Variants in DCBLD2 observed in about 807,000 individuals in gnomAD.
The protein encoded by DCBLD2 is discoidin, CUB and LCCL domain containing 2.
In DCBLD2, 54 loss-of-function variants were observed where a neutral mutation model predicts 86.8. That is an observed-to-expected ratio of 0.62 (90% CI 0.50 to 0.78). The LOEUF is 0.78. Ranked by LOEUF, DCBLD2 falls within the 30% of genes least tolerant of loss-of-function variation. DCBLD2 has a pLI of 0.00. For missense variants in DCBLD2, 908 were observed against 954.2 expected (o/e 0.95, Z 0.64); for synonymous variants, 354 against 341.3 (o/e 1.04, Z -0.41).
chr3:98,895,106 AATT>A (rs1028786387), intron 1 of DCBLD2: 1 of 152,162 alleles, frequency 6.6e-6, no homozygotes, highest in Non-Finnish European at 1.5e-5. Flanking sequence ...AATGGCATGA[AATT>A]ATATCTTAGA....
chr3:98,867,090 T>A lies in DCBLD2; in HGVS notation c.433+14450A>T, dbSNP rs1456349157. Among the ~76,000 whole-genome samples the A allele has an allele frequency of 3.9e-5, 6 of 152,380 alleles. No individual in the cohort carries two copies. The South Asian group carries it at 1.2e-3, about 32-fold the overall frequency. ...TATCTCTGTTTTGGTCCCAGTACCA[T>A]GCTGTTTTGGTTACTGTAGCCTTGT... On this transcript the variant is annotated intron_variant, in intron 2 of 15. Coordinates refer to ENST00000326840, the MANE Select transcript of DCBLD2 (RefSeq NM_080927.4).
chr3:98,894,321 A>G (rs1943714377), intron 1 of DCBLD2, among the ~76,000 whole-genome samples: 1 of 152,190 alleles, frequency 6.6e-6, no homozygotes, highest in Admixed American at 6.5e-5. Context: ...CTCCCCAGCA[A>G]CATCCACTGG....
chr3:98,899,101 T>C (rs1943801264), intron 1 of DCBLD2, among the ~76,000 whole-genome samples: 1 of 151,946 alleles, frequency 6.6e-6, no homozygotes, highest in South Asian at 2.1e-4. Flanking sequence ...AAAAAGTCTT[T>C]TAATTATCAG....
At chr3:98,891,746 C>T (rs1009959927) in intron 1 of DCBLD2, among the ~76,000 whole-genome samples, 1 of 152,150 alleles carries the variant, frequency 6.6e-6, no homozygotes, top group African/African-American at 2.4e-5. Context: ...TCCACGCTCT[C>T]ACCTCTGTGC....
In DCBLD2 at chr3:98,820,151, G is replaced by T. The variant is rs548325019; in HGVS notation, c.871+97C>A. On this transcript the variant is annotated intron_variant, in intron 7 of 15. Transcript: ENST00000326840. Reference sequence around the variant, plus strand: ...CTCATAGTGTTATTAAGACAACTACGTGAGAAAGTACAATAAATCAGCAAC... The same window carrying T: ...CTCATAGTGTTATTAAGACAACTACTTGAGAAAGTACAATAAATCAGCAAC... 4.7e-5 allele frequency: 33 copies of T among 697,324 alleles called. No homozygotes were observed. The Middle Eastern group carries it at 1.4e-3, about 29-fold the overall frequency. The allele number at this position is 697,324 out of a possible 1,614,324, so 43.2% of individuals were successfully genotyped here.
chr3:98,869,489 A>C (rs1943219682), intron 2 of DCBLD2, among the ~76,000 whole-genome samples: 1 of 152,124 alleles, frequency 6.6e-6, no homozygotes, highest in East Asian at 1.9e-4. Context: ...TCTGTCTCTT[A>C]CTAATAAATT....
At chr3:98,880,754 T>C (rs2107521649) in intron 2 of DCBLD2, among the ~76,000 whole-genome samples, 1 of 152,254 alleles carries the variant, frequency 6.6e-6, no homozygotes, top group Non-Finnish European at 1.5e-5. Flanking sequence ...CTGTATTTTT[T>C]ACAAGAGAAA....
intron 1 of DCBLD2, among the ~76,000 whole-genome samples, chr3:98,893,840 C>G (rs903952824): frequency 9.2e-5 from 14 of 152,144 alleles, no homozygotes; most frequent in Admixed American, 7.9e-4. Context: ...TCATACTGTG[C>G]AAGGATTAGG....
chr3:98,901,565 G>C lies in DCBLD2; in HGVS notation c.-239C>G, dbSNP rs1292133089. 1.4e-5 allele frequency: 5 copies of C among 349,646 alleles called. No homozygotes were observed. Among genetic ancestry groups the C allele is most frequent in the Non-Finnish European group, 2.5e-5 (5 of 198,918 alleles). The allele number at this position is 349,646 out of a possible 1,614,324, so 21.7% of individuals were successfully genotyped here. Reference sequence around the variant, plus strand: ...CGGAGCGCAGGGGAGGGGAGGGAAGGAAGCGGAGTCCTCGAGCCGCGGAGG... The same window carrying C: ...CGGAGCGCAGGGGAGGGGAGGGAAGCAAGCGGAGTCCTCGAGCCGCGGAGG... On this transcript the variant is annotated 5_prime_UTR_variant, in exon 1 of 16. Coordinates refer to ENST00000326840, the MANE Select transcript of DCBLD2 (RefSeq NM_080927.4).
intron 7 of DCBLD2, among the ~76,000 whole-genome samples, chr3:98,820,001 ACTT>A (rs1426076031): frequency 3.3e-5 from 5 of 152,202 alleles, no homozygotes; most frequent in African/African-American, 9.6e-5. Context: ...CGAATTGATT[ACTT>A]CTTCAGACAA....
intron 13 of DCBLD2, among the ~76,000 whole-genome samples, chr3:98,806,747 C>A (rs1483546310): frequency 6.6e-6 from 1 of 152,192 alleles, no homozygotes; most frequent in African/African-American, 2.4e-5. Flanking sequence ...CCAAACCTGT[C>A]CTTCCTGCTG....
chr3:98,826,299 G>C (rs554521905), intron 3 of DCBLD2, among the ~76,000 whole-genome samples: 1 of 152,194 alleles, frequency 6.6e-6, no homozygotes, highest in African/African-American at 2.4e-5. Flanking sequence ...AGTCTTGTGT[G>C]TACCTGCCTT....
At chr3:98,826,123 T>G (rs1942215554) in intron 3 of DCBLD2, among the ~76,000 whole-genome samples, 1 of 152,068 alleles carries the variant, frequency 6.6e-6, no homozygotes, top group South Asian at 2.1e-4. Context: ...CTGCCTCTAA[T>G]TAAGACCAAG....
Position 98,819,841 on chromosome 3 carries a change from C to T in DCBLD2, c.871+407G>A, listed in dbSNP as rs1053874891. ...CATATTGTAAACAGTACATTATAAA[C>T]AGAAATTTATTCATTGCTTATCATC... On this transcript the variant is annotated intron_variant, in intron 7 of 15. Coordinates refer to ENST00000326840, the MANE Select transcript of DCBLD2 (RefSeq NM_080927.4). Among the ~76,000 whole-genome samples the T allele has an allele frequency of 2.6e-5, 4 of 152,160 alleles. No individual in the cohort carries two copies. The East Asian group carries it at 7.7e-4, about 29-fold the overall frequency.
intron 2 of DCBLD2, among the ~76,000 whole-genome samples, chr3:98,870,950 T>C (rs1216277604): frequency 6.6e-6 from 1 of 151,972 alleles, no homozygotes; most frequent in East Asian, 1.9e-4. Flanking sequence ...GTATCATCTA[T>C]GGTTTCTTTC....
intron 4 of DCBLD2, 151 bp downstream of exon 4, chr3:98,825,164 A>T: frequency 1.8e-6 from 1 of 562,360 alleles, no homozygotes; most frequent in Non-Finnish European, 2.8e-6. Flanking sequence ...TTTATGCTTT[A>T]AGTAAGCTCT....
chr3:98,852,176 T>C (rs1039252005), intron 2 of DCBLD2, among the ~76,000 whole-genome samples: 2 of 152,218 alleles, frequency 1.3e-5, no homozygotes, highest in African/African-American at 4.8e-5. Flanking sequence ...ATTTTCTTGA[T>C]TAACTTTTCC....
chr3:98,803,446 T>G (rs1460296531), intron 13 of DCBLD2, among the ~76,000 whole-genome samples: 8 of 152,360 alleles, frequency 5.3e-5, no homozygotes, highest in South Asian at 2.1e-4. Flanking sequence ...GATTTTGGGC[T>G]GAGATGATGG....
chr3:98,810,361 G>T (rs1456140491), intron 12 of DCBLD2, among the ~76,000 whole-genome samples: 1 of 152,208 alleles, frequency 6.6e-6, no homozygotes, highest in Non-Finnish European at 1.5e-5. Flanking sequence ...AGATGGGAAA[G>T]AACCAACATG....
Sources: allele counts gnomAD v4.1 joint callset (sites outside exome capture counted in the v4.1 genomes callset), GRCh38; gene constraint gnomAD v4.1.1; transcripts MANE v1.5; gene names NCBI Gene and HGNC (gene_info 2026-07-23, HGNC 2026-07-21).